PHACTR1: variants seen among roughly 807,000 people sequenced by gnomAD.
The protein encoded by PHACTR1 is RPEL repeat containing 1.
A neutral mutation model predicts 69.2 loss-of-function variants in PHACTR1; 16 were observed. The observed-to-expected ratio is 0.23, with a 90% CI of 0.16 to 0.35. The LOEUF (loss-of-function observed/expected upper bound fraction) is 0.35. PHACTR1 is among the 10% of genes least tolerant of loss of function. PHACTR1 has a pLI of 1.00. For missense variants in PHACTR1, 510 were observed against 734.7 expected, an observed-to-expected ratio of 0.69 and a Z score of 3.54; for synonymous variants, 312 against 284.5, an observed-to-expected ratio of 1.10 and a Z score of -0.97.
At chr6:13,047,175 C>G (rs985811429) in intron 4 of PHACTR1, among the ~76,000 whole-genome samples, 5 of 151,994 alleles carry the variant, frequency 3.3e-5, no homozygotes, top group Non-Finnish European at 7.4e-5. Flanking sequence ...GCCAGGAGTT[C>G]AAGACCAGCC....
At position 12,998,611 on chromosome 6, in the gene PHACTR1, G is replaced by T. The variant is rs1284433296; in HGVS notation, c.251-54754G>T. ...GGCCTGGGCGACACAGCAAGACCTGGTCAAAAAAAAAAAAAAGAAAAGAAA... is the reference window on the plus strand; with the variant it reads ...GGCCTGGGCGACACAGCAAGACCTGTTCAAAAAAAAAAAAAAGAAAAGAAA... On this transcript the variant is annotated intron_variant, in intron 4 of 14. Coordinates refer to ENST00000332995, the MANE Select transcript of PHACTR1 (RefSeq NM_030948.6). 1.2e-3 allele frequency among the ~76,000 whole-genome samples: 114 copies of T among 97,382 alleles called. 1 individual carries two copies. Among genetic ancestry groups the T allele is most frequent in the Non-Finnish European group, 1.5e-4 (8 of 52,624 alleles). 63.9% of individuals were successfully genotyped at this position (97,382 alleles called of 152,430 possible).
intron 5 of PHACTR1, among the ~76,000 whole-genome samples, chr6:13,107,292 G>C (rs9473484): frequency 0.013 from 1,913 of 152,184 alleles, 41 homozygotes; most frequent in African/African-American, 0.043. Flanking sequence ...TAAAGTTTTT[G>C]GTAGAGACAG....
rs949202278 is a variant in PHACTR1, at chr6:13,231,594, C to T, written c.1391+1401C>T. 8.5e-5 allele frequency among the ~76,000 whole-genome samples: 13 copies of T among 152,236 alleles called. No individual in the cohort carries two copies. The East Asian group carries it at 2.1e-3, about 25-fold the overall frequency. On this transcript the variant is annotated intron_variant, in intron 10 of 14. Coordinates refer to ENST00000332995, the MANE Select transcript of PHACTR1 (RefSeq NM_030948.6). The stretch of plus-strand genomic sequence containing the variant: ...TCAGACAAACACACTCTCTGATATA[C>T]GGTTAAGTGGTTGGTAGTGATGCTT...
rs550601577 is a variant in PHACTR1, at chr6:13,037,948, G to A, written c.251-15417G>A. On this transcript the variant is annotated intron_variant, in intron 4 of 14. Coordinates refer to ENST00000332995, the MANE Select transcript of PHACTR1 (RefSeq NM_030948.6). ...GAAAAGGTGGTATCAAGGACAACTCGTTGGTTTCTCTCTGAGCAATTACAT... is the reference window on the plus strand; with the variant it reads ...GAAAAGGTGGTATCAAGGACAACTCATTGGTTTCTCTCTGAGCAATTACAT... Among the ~76,000 whole-genome samples, 3 of 152,268 alleles carry A rather than the reference G, an allele frequency of 2.0e-5. No homozygotes were observed. In the South Asian group the frequency reaches 6.2e-4, roughly 32 times the overall value.
chr6:13,100,701 T>A (rs1436525950), intron 5 of PHACTR1, among the ~76,000 whole-genome samples: 1 of 152,140 alleles, frequency 6.6e-6, no homozygotes, highest in Non-Finnish European at 1.5e-5. Context: ...CTCTGTGGAG[T>A]TGAATTAATC....
intron 4 of PHACTR1, among the ~76,000 whole-genome samples, chr6:13,049,984 G>T (rs1805672219): frequency 6.6e-6 from 1 of 152,202 alleles, no homozygotes; most frequent in Non-Finnish European, 1.5e-5. Context: ...ATACACCAAG[G>T]TAAGGAATGA....
At chr6:13,113,324 A>G (rs1257812623) in intron 5 of PHACTR1, among the ~76,000 whole-genome samples, 2 of 152,196 alleles carry the variant, frequency 1.3e-5, no homozygotes, top group Non-Finnish European at 2.9e-5. Context: ...GAATCATTAG[A>G]TAGAATTCTT....
intron 4 of PHACTR1, among the ~76,000 whole-genome samples, chr6:12,797,040 T>TGTGTGA (rs563796658): frequency 0.048 from 6,336 of 133,278 alleles, 166 homozygotes; most frequent in East Asian, 0.063. Context: ...TGTGTGTGTG[T>TGTGTGA]GAGAGAGAGA....
intron 10 of PHACTR1, among the ~76,000 whole-genome samples, chr6:13,258,601 G>C (rs967468889): frequency 1.3e-5 from 2 of 152,212 alleles, no homozygotes; most frequent in South Asian, 4.1e-4. Flanking sequence ...CACTAGTCTC[G>C]TGAAGGGTGA....
chr6:12,919,775 T>C (rs1253718400), intron 4 of PHACTR1, among the ~76,000 whole-genome samples: 1 of 152,186 alleles, frequency 6.6e-6, no homozygotes, highest in African/African-American at 2.4e-5. Context: ...TTATCCCTGC[T>C]GGACCCTGAT....
intron 4 of PHACTR1, among the ~76,000 whole-genome samples, chr6:12,902,539 A>G (rs1157434713): frequency 6.6e-6 from 1 of 152,132 alleles, no homozygotes; most frequent in Non-Finnish European, 1.5e-5. Context: ...TGAACATACA[A>G]CATCTCCTCG....
At chr6:12,838,572 TAAAC>T (rs1778390950) in intron 4 of PHACTR1, among the ~76,000 whole-genome samples, 1 of 152,194 alleles carries the variant, frequency 6.6e-6, no homozygotes, top group Non-Finnish European at 1.5e-5. Flanking sequence ...TTTGGTAAAA[TAAAC>T]AAGTAAAATT....
chr6:12,887,749 G>C (rs1655491632), intron 4 of PHACTR1, among the ~76,000 whole-genome samples: 1 of 152,082 alleles, frequency 6.6e-6, no homozygotes, highest in African/African-American at 2.4e-5. Context: ...GTCCCCCAAA[G>C]TTATGGGTTG....
chr6:13,230,242 C>T (rs1345859712), intron 10 of PHACTR1, 49 bp downstream of exon 10: 3 of 1,574,736 alleles, frequency 1.9e-6, no homozygotes, highest in Non-Finnish European at 2.6e-6. Flanking sequence ...CTTTAGCTCT[C>T]CAGGTTCTAG....
intron 3 of PHACTR1, among the ~76,000 whole-genome samples, chr6:12,725,584 A>G (rs962816349): frequency 1.5e-4 from 23 of 152,238 alleles, no homozygotes; most frequent in African/African-American, 4.6e-4. Context: ...CAGATTCCTC[A>G]TCAAAATAGA....
At chr6:13,260,567 C>A (rs185412165) in intron 10 of PHACTR1, among the ~76,000 whole-genome samples, 37 of 152,262 alleles carry the variant, frequency 2.4e-4, no homozygotes, top group African/African-American at 8.4e-4. Flanking sequence ...TTAAAGTATT[C>A]TCTTTGTTCC....
intron 4 of PHACTR1, among the ~76,000 whole-genome samples, chr6:12,884,115 C>G (rs1237502170): frequency 1.3e-5 from 2 of 151,542 alleles, no homozygotes; most frequent in Non-Finnish European, 2.9e-5. Context: ...CACACATGTA[C>G]CCACATACAC....
chr6:12,971,506 C>A (rs896859262), intron 4 of PHACTR1, among the ~76,000 whole-genome samples: 3 of 152,036 alleles, frequency 2.0e-5, no homozygotes, highest in Non-Finnish European at 4.4e-5. Context: ...TAAATATGAC[C>A]CAGGACAAAA....
At chr6:12,808,669 A>T (rs1057036494) in intron 4 of PHACTR1, among the ~76,000 whole-genome samples, 1 of 152,206 alleles carries the variant, frequency 6.6e-6, no homozygotes, top group Non-Finnish European at 1.5e-5. Flanking sequence ...GAAAATAATA[A>T]CTCAGTGAGA....
Sources: allele counts gnomAD v4.1 joint callset (sites outside exome capture counted in the v4.1 genomes callset), GRCh38; gene constraint gnomAD v4.1.1; transcripts MANE v1.5; gene names NCBI Gene and HGNC (gene_info 2026-07-23, HGNC 2026-07-21).